Variants in ATP9B observed in about 807,000 individuals in gnomAD.
The protein encoded by ATP9B is ATPase phospholipid transporting 9B.
A neutral mutation model predicts 146.1 loss-of-function variants in ATP9B; 110 were observed. The ratio of observed to expected loss-of-function variants is 0.75; its 90% CI spans 0.65 to 0.88. ATP9B has a LOEUF of 0.88. Ranked by LOEUF, ATP9B falls within the 40% of genes least tolerant of loss-of-function variation. The pLI is 0.00. For missense variants in ATP9B, 1,499 were observed against 1,496.4 expected, an observed-to-expected ratio of 1.00 and a Z score of -0.03; for synonymous variants, 604 against 569.7, an observed-to-expected ratio of 1.06 and a Z score of -0.86.
intron 2 of ATP9B, among the ~76,000 whole-genome samples, chr18:79,105,439 A>G (rs1438758193): frequency 6.6e-6 from 1 of 152,178 alleles, no homozygotes; most frequent in East Asian, 1.9e-4. Flanking sequence ...TGTAAGTAGT[A>G]AGGATCATTT....
rs370572724 is a variant in ATP9B, at chr18:79,069,509, G to A, written c.99G>A (p.Pro33=). Residue 33 remains proline (P), a synonymous_variant, in exon 1 of 30, where the codon CCG becomes CCA. Coordinates refer to ENST00000426216, the MANE Select transcript of ATP9B (RefSeq NM_198531.5). ...ACTACAGCGCCGCGGGGCCCAGGCC[G>A]GGAGCCGACCGGCACAGCAGGTAAC... is the stretch of plus-strand genomic sequence containing the variant. ...AAYYSAAGPR[P]GADRHSRYQL... 4 of 1,439,382 alleles carry A rather than the reference G, an allele frequency of 2.8e-6. No individual in the cohort carries two copies. The highest frequency in any genetic ancestry group is 5.6e-5 in the Admixed American group (2 of 35,834). 89.2% of individuals were successfully genotyped at this position (1,439,382 alleles called of 1,614,324 possible).
intron 5 of ATP9B, among the ~76,000 whole-genome samples, chr18:79,126,950 TAAG>T (rs1385043192): frequency 6.6e-6 from 1 of 152,110 alleles, no homozygotes; most frequent in Non-Finnish European, 1.5e-5. Context: ...AGCAATGTAT[TAAG>T]AAGAGAGTGG....
chr18:79,270,922 T>C (rs1242432827), intron 12 of ATP9B, among the ~76,000 whole-genome samples: 1 of 152,196 alleles, frequency 6.6e-6, no homozygotes, highest in Non-Finnish European at 1.5e-5. Flanking sequence ...CCTGAAGCAC[T>C]GTTTCCCAGT....
rs766640958 is a variant in ATP9B, at chr18:79,253,418, A to G, written c.1145A>G (p.Lys382Arg). The G allele has an allele frequency of 6.2e-7, 1 of 1,612,600 alleles. No homozygotes were observed. Among genetic ancestry groups the G allele is most frequent in the South Asian group, 1.1e-5 (1 of 90,524 alleles). The change falls in exon 12 of 30, where the codon AAA becomes AGA. Residue 382 changes from lysine (K) to arginine (R), a missense_variant. By Grantham distance (26) the Lys-to-Arg change is conservative (BLOSUM62 2). Transcript: ENST00000426216. ...GACCTTGAACTCAATCGGCTGACGA[A>G]AGCGCTATTTTTGGCTTTAGTTGCT... ...LLDLELNRLT[K>R]ALFLALVALS... is the part of the protein sequence containing the mutation.
intron 25 of ATP9B, among the ~76,000 whole-genome samples, chr18:79,355,888 T>C (rs1395417741): frequency 1.3e-5 from 2 of 151,252 alleles, no homozygotes; most frequent in Admixed American, 1.3e-4. Context: ...ACGGGGTACG[T>C]TGGGGATGAC....
chr18:79,217,838 G>A lies in ATP9B; in HGVS notation c.1107+3800G>A, dbSNP rs575767232. ...CAAAGAAGGCTGGTGCAAACAAAAC[G>A]GTAAACATGTACAGGGGAAATCTCA... On this transcript the variant is annotated intron_variant, in intron 11 of 29. Coordinates refer to ENST00000426216, the MANE Select transcript of ATP9B (RefSeq NM_198531.5). Among the ~76,000 whole-genome samples the A allele has an allele frequency of 5.9e-5, 9 of 152,238 alleles. No individual in the cohort carries two copies. In the South Asian group the frequency reaches 1.0e-3, roughly 18 times the overall value.
chr18:79,310,966 C>T (rs1356835271), intron 15 of ATP9B, among the ~76,000 whole-genome samples: 1 of 151,920 alleles, frequency 6.6e-6, no homozygotes, highest in African/African-American at 2.4e-5. Flanking sequence ...GCCTGGCCAA[C>T]ATGGCGAAAC....
chr18:79,167,803 T>C (rs1470820991), intron 7 of ATP9B, among the ~76,000 whole-genome samples: 1 of 152,178 alleles, frequency 6.6e-6, no homozygotes, highest in Non-Finnish European at 1.5e-5. Flanking sequence ...TTCAGGTTGT[T>C]CCTGGCTTGA....
chr18:79,163,499 G>T (rs142244184), intron 7 of ATP9B, among the ~76,000 whole-genome samples: 1 of 152,246 alleles, frequency 6.6e-6, no homozygotes, highest in East Asian at 1.9e-4. Context: ...AGATGTGTCA[G>T]ATAGAGTCTA....
At chr18:79,188,742 T>C (rs892639015) in intron 8 of ATP9B, among the ~76,000 whole-genome samples, 1 of 152,140 alleles carries the variant, frequency 6.6e-6, no homozygotes, top group African/African-American at 2.4e-5. Context: ...TTCTCTCTTT[T>C]TCTAATCTTT....
At chr18:79,258,915 T>C (rs556440267) in intron 12 of ATP9B, among the ~76,000 whole-genome samples, 2 of 152,352 alleles carry the variant, frequency 1.3e-5, no homozygotes, top group East Asian at 3.8e-4. Flanking sequence ...AAGCCAAGTT[T>C]GTTTTCCTTT....
intron 1 of ATP9B, among the ~76,000 whole-genome samples, chr18:79,080,575 A>G (rs2073142052): frequency 6.6e-6 from 1 of 152,118 alleles, no homozygotes; most frequent in Non-Finnish European, 1.5e-5. Context: ...AACAGAGACA[A>G]TTTGACTTCC....
At chr18:79,083,831 G>T (rs551337636) in intron 1 of ATP9B, among the ~76,000 whole-genome samples, 2 of 151,726 alleles carry the variant, frequency 1.3e-5, no homozygotes, top group South Asian at 2.1e-4. Context: ...ATTGGGAGCT[G>T]CAGACCAGAG....
chr18:79,215,936 C>T (rs751027780), intron 11 of ATP9B, among the ~76,000 whole-genome samples: 4 of 152,108 alleles, frequency 2.6e-5, no homozygotes, highest in Non-Finnish European at 4.4e-5. Context: ...GTGATCTGCT[C>T]GCCTCAGCCT....
chr18:79,104,661 T>C (rs1273714388), intron 2 of ATP9B, among the ~76,000 whole-genome samples: 1 of 152,080 alleles, frequency 6.6e-6, no homozygotes, highest in Non-Finnish European at 1.5e-5. Flanking sequence ...TACTTGAAAA[T>C]ATAGATGGTA....
intron 17 of ATP9B, among the ~76,000 whole-genome samples, chr18:79,335,057 G>A (rs2096815671): frequency 6.6e-6 from 1 of 152,054 alleles, no homozygotes; most frequent in African/African-American, 2.4e-5. Context: ...CCACGTGAGG[G>A]AGGAACTGTT....
At chr18:79,095,841 C>T (rs555121721) in intron 1 of ATP9B, 1 of 152,140 alleles carries the variant, frequency 6.6e-6, no homozygotes, top group Admixed American at 6.5e-5. Context: ...GATAGGCTGC[C>T]TGTTTCTTGA....
Position 79,154,545 on chromosome 18 carries a change from A to G in ATP9B, c.768A>G (p.Ser256=). 6.5e-7 allele frequency: 1 copy of G among 1,528,332 alleles called. No individual in the cohort carries two copies. The highest frequency in any genetic ancestry group is 8.7e-7 in the Non-Finnish European group (1 of 1,145,128). 94.7% of individuals were successfully genotyped at this position (1,528,332 alleles called of 1,614,324 possible). A position where few individuals can be genotyped will look rare whatever the true frequency, so the allele number is the denominator to read the frequency against. Residue 256 remains serine, a synonymous_variant, in exon 7 of 30, where the codon TCA becomes TCG. Transcript: ENST00000426216. ...IPSDMVFLRT[S]EKAGSCFIRT... is the part of the protein sequence containing the mutation. ...CGGACATGGTGTTTCTTAGGACTTC[A>G]GAAAAAGCAGGTATTTTTACATTTA...
chr18:79,126,450 A>T lies in ATP9B; in HGVS notation c.667+75A>T. On this transcript the variant is annotated intron_variant, in intron 5 of 29. Coordinates refer to ENST00000426216, the MANE Select transcript of ATP9B (RefSeq NM_198531.5). ...ATTTTAGAGTTAACATAACAAATGT[A>T]TGAAAACATTTTAATTCTATTATTG... The T allele has an allele frequency of 3.0e-6, 3 of 1,001,568 alleles. No individual in the cohort carries two copies. The South Asian group carries it at 4.8e-5, about 16-fold the overall frequency. The allele number at this position is 1,001,568 out of a possible 1,614,324, so 62.0% of individuals were successfully genotyped here.
Sources: gnomAD v4.1 joint callset for allele counts (sites outside exome capture counted in the v4.1 genomes callset) on GRCh38, gnomAD v4.1.1 for gene constraint, MANE v1.5 for transcripts, NCBI Gene and HGNC (gene_info 2026-07-23, HGNC 2026-07-21) for gene names.